EIF2AK4: variants seen among roughly 807,000 people sequenced by gnomAD.
The protein encoded by EIF2AK4 is eukaryotic translation initiation factor 2 alpha kinase 4.
Under a neutral mutation model 211.1 loss-of-function variants are expected in EIF2AK4, and 139 were observed. The observed-to-expected ratio is 0.66, with a 90% CI of 0.57 to 0.76. The LOEUF (loss-of-function observed/expected upper bound fraction) is 0.76. Ranked by LOEUF, EIF2AK4 falls within the 30% of genes least tolerant of loss-of-function variation. The probability of loss-of-function intolerance (pLI) is 0.00; values close to 1 mark genes in which losing one functional copy is unlikely to be tolerated. For synonymous variants in EIF2AK4, 710 were observed against 751.3 expected, an observed-to-expected ratio of 0.94 and a Z score of 0.90; for missense variants, 1,664 against 2,043.8, an observed-to-expected ratio of 0.81 and a Z score of 3.58.
intron 20 of EIF2AK4, among the ~76,000 whole-genome samples, chr15:40,000,759 A>G (rs1484830699): frequency 2.0e-5 from 3 of 152,164 alleles, no homozygotes. Context: ...AATAAGGTAT[A>G]AAAACAAGGG....
At chr15:40,013,253 T>C (rs2035260543) in intron 27 of EIF2AK4, among the ~76,000 whole-genome samples, 1 of 152,214 alleles carries the variant, frequency 6.6e-6, no homozygotes. Context: ...CACTGTAACC[T>C]CAAGCTCTTG....
intron 18 of EIF2AK4, among the ~76,000 whole-genome samples, chr15:39,993,471 A>G (rs974046812): frequency 8.5e-5 from 13 of 152,364 alleles, no homozygotes; most frequent in Admixed American, 6.5e-4. Flanking sequence ...GGCATTTAGG[A>G]TAAAGGATGA....
intron 1 of EIF2AK4, among the ~76,000 whole-genome samples, chr15:39,937,064 A>G (rs971284204): frequency 6.6e-6 from 1 of 152,204 alleles, no homozygotes; most frequent in African/African-American, 2.4e-5. Context: ...GCATTTGTAA[A>G]AAGTTTAGAC....
At position 39,965,696 on chromosome 15, in the gene EIF2AK4, A is replaced by G; in HGVS notation, c.870A>G (p.Glu290=). 1 of 1,613,988 alleles carries G rather than the reference A, an allele frequency of 6.2e-7. No homozygotes were observed. ...VHKGKCIGSD[E]QLGKLVYNAL... ...CTGTTTAATGTGCAGGCAGTGATGA[A>G]CAACTTGGAAAATTAGTCTACAATG... is the stretch of plus-strand genomic sequence containing the variant. The change falls in exon 8 of 39, where the codon GAA becomes GAG. Residue 290 remains glutamate (E), a synonymous_variant. Coordinates refer to ENST00000263791, the MANE Select transcript of EIF2AK4 (RefSeq NM_001013703.4).
intron 1 of EIF2AK4, among the ~76,000 whole-genome samples, chr15:39,935,835 G>T (rs150729012): frequency 9.4e-4 from 143 of 152,288 alleles, no homozygotes; most frequent in African/African-American, 3.3e-3. Context: ...TGCCCTCAGG[G>T]AGCTTACTTT....
At chr15:39,964,778 A>G (rs896711038) in intron 7 of EIF2AK4, among the ~76,000 whole-genome samples, 2 of 152,234 alleles carry the variant, frequency 1.3e-5, no homozygotes, top group African/African-American at 4.8e-5. Context: ...TGTGTAAGTG[A>G]GAACCATATG....
intron 4 of EIF2AK4, among the ~76,000 whole-genome samples, chr15:39,952,515 A>G (rs529618186): frequency 4.6e-5 from 7 of 152,158 alleles, no homozygotes; most frequent in East Asian, 1.9e-4. Flanking sequence ...GGCTCAACCA[A>G]TCCTCTGGCC....
chr15:39,974,804 G>A (rs2034671982), intron 11 of EIF2AK4: 1 of 152,196 alleles, frequency 6.6e-6, no homozygotes, highest in Non-Finnish European at 1.5e-5. Flanking sequence ...TTCTCCCTGT[G>A]AGAATCCACA....
chr15:40,005,703 C>G (rs987073829), intron 23 of EIF2AK4, among the ~76,000 whole-genome samples: 1 of 151,576 alleles, frequency 6.6e-6, no homozygotes, highest in Non-Finnish European at 1.5e-5. Flanking sequence ...TCCCGAGTAG[C>G]TGGGACTGTA....
chr15:40,019,310 A>G (rs1195387195), intron 30 of EIF2AK4, 110 bp downstream of exon 30: 1 of 799,418 alleles, frequency 1.3e-6, no homozygotes, highest in African/African-American at 1.8e-5. Context: ...AAAGCTATAG[A>G]CGTAGGGTTT....
At chr15:39,936,138 AG>A (rs2034060898) in intron 1 of EIF2AK4, among the ~76,000 whole-genome samples, 1 of 152,190 alleles carries the variant, frequency 6.6e-6, no homozygotes, top group Non-Finnish European at 1.5e-5. Flanking sequence ...TCTTTTAGGT[AG>A]GGATATTGAT....
At chr15:39,944,363 C>T (rs1438792300) in intron 3 of EIF2AK4, among the ~76,000 whole-genome samples, 3 of 151,724 alleles carry the variant, frequency 2.0e-5, no homozygotes, top group East Asian at 1.9e-4. Context: ...CGAAGTATAA[C>T]GCTTCTTTGC....
At chr15:39,969,508 C>T (rs996558975) in intron 9 of EIF2AK4, among the ~76,000 whole-genome samples, 4 of 151,828 alleles carry the variant, frequency 2.6e-5, no homozygotes, top group Non-Finnish European at 5.9e-5. Context: ...CTACAGGCGC[C>T]CGCTACTACA....
intron 13 of EIF2AK4, among the ~76,000 whole-genome samples, chr15:39,984,026 G>A (rs1187038699): frequency 6.6e-6 from 1 of 152,152 alleles, no homozygotes; most frequent in African/African-American, 2.4e-5. Flanking sequence ...GTTAATTTTT[G>A]TATAAGGTGT....
chr15:40,023,942 T>C (rs1266915322), intron 32 of EIF2AK4, among the ~76,000 whole-genome samples: 4 of 152,182 alleles, frequency 2.6e-5, no homozygotes, highest in Non-Finnish European at 5.9e-5. Flanking sequence ...GAACTAGAAA[T>C]TTTTACATTC....
intron 31 of EIF2AK4, chr15:40,022,294 C>T (rs2035401771): frequency 9.6e-6 from 4 of 417,652 alleles, no homozygotes; most frequent in East Asian, 8.8e-5. Context: ...ATTGATTATT[C>T]ATGGCCCTTT....
At chr15:39,977,937 A>G (rs1408660531) in intron 12 of EIF2AK4, 141 bp from the exon 13 acceptor site, 1 of 454,894 alleles carries the variant, frequency 2.2e-6, no homozygotes, top group South Asian at 6.1e-5. Context: ...AAATCAGCAC[A>G]GTGTAGAGTA....
At position 39,994,746 on chromosome 15, in the gene EIF2AK4, C is replaced by T. The variant is rs574001941; in HGVS notation, c.2766+1898C>T. On this transcript the variant is annotated intron_variant, in intron 18 of 38. Coordinates refer to ENST00000263791, the MANE Select transcript of EIF2AK4 (RefSeq NM_001013703.4). ...ATTGGACAACAACATAAAGTTGAAA[C>T]AGACATCTAAGTACCTGGTGAGGGT... Among the ~76,000 whole-genome samples the T allele has an allele frequency of 2.0e-5, 3 of 152,278 alleles. No homozygotes were observed. The South Asian group carries it at 6.2e-4, about 32-fold the overall frequency.
At position 39,976,670 on chromosome 15, in the gene EIF2AK4, G is replaced by A. The variant is rs775982692; in HGVS notation, c.2075G>A (p.Gly692Asp). 6.2e-7 allele frequency: 1 copy of A among 1,604,718 alleles called. No individual in the cohort carries two copies. Among genetic ancestry groups the A allele is most frequent in the Non-Finnish European group, 8.5e-7 (1 of 1,178,166 alleles). Residue 692 changes from glycine to aspartate, a missense_variant, in exon 12 of 39, where the codon GGC (glycine) becomes GAC (aspartate). Around this residue, in one of 7 missense-constraint regions of EIF2AK4, gnomAD observed 206 missense variants for 201.9 expected, o/e 1.02. Transcript: ENST00000263791. ...GGGCAGCCGGCGAGCGACACAGACGGCCTGGACAGCGTAGAGGCCGCCGCG... is the reference window on the plus strand; with the variant it reads ...GGGCAGCCGGCGAGCGACACAGACGACCTGGACAGCGTAGAGGCCGCCGCG... ...ARGQPASDTDGLDSVEAAAPP... is the reference protein window; with the variant it reads ...ARGQPASDTDDLDSVEAAAPP...
Sources: gnomAD v4.1 joint callset for allele counts (sites outside exome capture counted in the v4.1 genomes callset) on GRCh38, gnomAD v4.1.1 for gene constraint, gnomAD v4.1.1 regional missense constraint, MANE v1.5 for transcripts, NCBI Gene and HGNC (gene_info 2026-07-23, HGNC 2026-07-21) for gene names.